Variants in RBMS3 observed in about 807,000 individuals in gnomAD.
RBMS3 encodes the protein RNA-binding motif, single-stranded-interacting protein 3.
In RBMS3, 27 loss-of-function variants were observed where a neutral mutation model predicts 66.8. That is an observed-to-expected ratio of 0.40 (90% confidence interval 0.30 to 0.56). RBMS3 has a LOEUF of 0.56. RBMS3 is among the 20% of genes least tolerant of loss of function. The pLI, the probability that RBMS3 is intolerant of heterozygous loss-of-function variation, is 0.40. For missense variants in RBMS3, 513 were observed against 549.5 expected, an observed-to-expected ratio of 0.93 and a Z score of 0.66; for synonymous variants, 188 against 183.0, an observed-to-expected ratio of 1.03 and a Z score of -0.22.
intron 1 of RBMS3, among the ~76,000 whole-genome samples, chr3:29,408,654 C>A (rs1194458531): frequency 6.6e-6 from 1 of 152,036 alleles, no homozygotes; most frequent in Non-Finnish European, 1.5e-5. Context: ...TATATATTTT[C>A]TTTCTAAATC....
chr3:29,864,963 AG>A (rs1410013827), intron 6 of RBMS3, among the ~76,000 whole-genome samples: 1 of 121,072 alleles, frequency 8.3e-6, no homozygotes, highest in Non-Finnish European at 1.8e-5. Flanking sequence ...GAAGGAAGAA[AG>A]GAAGGAAGGG....
At chr3:29,754,956 T>G (rs2149371274) in intron 5 of RBMS3, among the ~76,000 whole-genome samples, 1 of 152,144 alleles carries the variant, frequency 6.6e-6, no homozygotes, top group Non-Finnish European at 1.5e-5. Flanking sequence ...AGCCCTGTAC[T>G]TATGTCTCTC....
At chr3:29,396,978 T>C (rs945734260) in intron 1 of RBMS3, among the ~76,000 whole-genome samples, 10 of 152,196 alleles carry the variant, frequency 6.6e-5, no homozygotes, top group Non-Finnish European at 1.0e-4. Flanking sequence ...ATTTTCATTT[T>C]TTATTATTTA....
rs2046964195 is a variant in RBMS3, at chr3:29,571,863, T to A, written c.308-15251T>A. Among the ~76,000 whole-genome samples the A allele has an allele frequency of 2.0e-5, 3 of 152,184 alleles. No individual in the cohort carries two copies. In the South Asian group the frequency reaches 6.2e-4, roughly 31 times the overall value. On this transcript the variant is annotated intron_variant, in intron 3 of 14. Coordinates refer to ENST00000383767, the MANE Select transcript of RBMS3 (RefSeq NM_001003793.3). Reference sequence around the variant, plus strand: ...CATTGAATCAGTAGATTGTTTTGGATAGTATGCACATTTTAAACAATATTG... The same window carrying A: ...CATTGAATCAGTAGATTGTTTTGGAAAGTATGCACATTTTAAACAATATTG...
intron 6 of RBMS3, among the ~76,000 whole-genome samples, chr3:29,838,503 A>T (rs1260823739): frequency 1.3e-4 from 20 of 152,156 alleles, no homozygotes; most frequent in Non-Finnish European, 7.3e-5. Context: ...TTCAAAGAAA[A>T]GTATTAAAAT....
chr3:29,991,384 G>A, intron 14 of RBMS3, 175 bp downstream of exon 14: 1 of 992,624 alleles, frequency 1.0e-6, no homozygotes, highest in Non-Finnish European at 1.4e-6. Context: ...TGGGTGGATG[G>A]TTCTTCTGAT....
intron 1 of RBMS3, among the ~76,000 whole-genome samples, chr3:29,356,685 T>C (rs2037240442): frequency 6.6e-6 from 1 of 152,216 alleles, no homozygotes; most frequent in African/African-American, 2.4e-5. Flanking sequence ...CACATTCATG[T>C]GATTGGTCTG....
At chr3:29,564,540 T>C (rs186739057) in intron 3 of RBMS3, among the ~76,000 whole-genome samples, 179 of 151,204 alleles carry the variant, frequency 1.2e-3, no homozygotes, top group Non-Finnish European at 1.3e-3. Context: ...TATGTACAAA[T>C]TGGAAGTCAT....
chr3:29,550,258 C>A (rs1356653110), intron 3 of RBMS3, among the ~76,000 whole-genome samples: 1 of 152,180 alleles, frequency 6.6e-6, no homozygotes, highest in Non-Finnish European at 1.5e-5. Flanking sequence ...ATACTCCCTT[C>A]CATCTGGTAA....
chr3:29,999,579 C>CA (rs1699477461), intron 14 of RBMS3, among the ~76,000 whole-genome samples: 1 of 151,966 alleles, frequency 6.6e-6, no homozygotes, highest in Admixed American at 6.6e-5. Flanking sequence ...TATGCAGCCA[C>CA]AAAAAATGAT....
intron 3 of RBMS3, among the ~76,000 whole-genome samples, chr3:29,544,320 A>G (rs1453602875): frequency 6.6e-6 from 1 of 152,196 alleles, no homozygotes; most frequent in Non-Finnish European, 1.5e-5. Flanking sequence ...TTATTAATTC[A>G]TGTTCAATTA....
intron 2 of RBMS3, among the ~76,000 whole-genome samples, chr3:29,476,388 T>G (rs1445819282): frequency 6.6e-6 from 1 of 152,184 alleles, no homozygotes; most frequent in Non-Finnish European, 1.5e-5. Flanking sequence ...TATATACATT[T>G]TACATAGAAT....
intron 10 of RBMS3, among the ~76,000 whole-genome samples, chr3:29,928,211 T>C (rs6766707): frequency 0.45 from 42,167 of 93,320 alleles, 9,816 homozygotes; most frequent in Middle Eastern, 0.51. Context: ...TATATATATA[T>C]ACACACACAC....
intron 4 of RBMS3, among the ~76,000 whole-genome samples, chr3:29,705,246 A>G (rs76273477): frequency 0.026 from 3,987 of 152,316 alleles, 85 homozygotes; most frequent in East Asian, 0.092. Context: ...TATCACATAA[A>G]GCTTGAAAAA....
chr3:29,872,956 T>C (rs1002052634), intron 7 of RBMS3, among the ~76,000 whole-genome samples: 3 of 152,184 alleles, frequency 2.0e-5, no homozygotes, highest in Non-Finnish European at 4.4e-5. Context: ...TATGTGCCTA[T>C]GTGTTTTTGT....
intron 2 of RBMS3, among the ~76,000 whole-genome samples, chr3:29,443,456 A>G (rs914065830): frequency 3.3e-5 from 5 of 152,134 alleles, no homozygotes; most frequent in Admixed American, 3.3e-4. Flanking sequence ...ATGTCATGAA[A>G]AGCAGGTTGT....
chr3:29,416,303 CT>C (rs1250740177), intron 1 of RBMS3, among the ~76,000 whole-genome samples: 1 of 151,970 alleles, frequency 6.6e-6, no homozygotes, highest in Non-Finnish European at 1.5e-5. Flanking sequence ...AGGGTCCCTC[CT>C]TTTCCCCAAC....
At chr3:29,425,032 G>A (rs2125708168) in intron 1 of RBMS3, among the ~76,000 whole-genome samples, 1 of 151,864 alleles carries the variant, frequency 6.6e-6, no homozygotes, top group African/African-American at 2.4e-5. Context: ...TTCTACTTAG[G>A]AGGGTGTACA....
intron 1 of RBMS3, among the ~76,000 whole-genome samples, chr3:29,377,369 T>G (rs1177018000): frequency 2.0e-5 from 3 of 152,126 alleles, no homozygotes; most frequent in Non-Finnish European, 4.4e-5. Context: ...GTTGGGATGT[T>G]TAGAGGTTCC....
Sources: gnomAD v4.1 joint callset for allele counts (sites outside exome capture counted in the v4.1 genomes callset) on GRCh38, gnomAD v4.1.1 for gene constraint, MANE v1.5 for transcripts, NCBI Gene and HGNC (gene_info 2026-07-23, HGNC 2026-07-21) for gene names.